HPSE2: variants seen among roughly 807,000 people sequenced by gnomAD.
The protein encoded by HPSE2 is heparanase 2 (inactive).
Under a neutral mutation model 60.5 loss-of-function variants are expected in HPSE2, and 38 were observed. That is an observed-to-expected ratio of 0.63 (90% CI 0.48 to 0.82). HPSE2 has a LOEUF of 0.82. Among genes scored for constraint, HPSE2 ranks in the 40% least tolerant of loss-of-function variants. The pLI, the probability that HPSE2 is intolerant of heterozygous loss-of-function variation, is 0.00. For missense variants in HPSE2, 713 were observed against 740.4 expected (o/e 0.96, Z 0.43); for synonymous variants, 295 against 293.2 (o/e 1.01, Z -0.06).
chr10:99,310,844 G>T, the HPSE2 span, among the ~76,000 whole-genome samples: 1 of 152,108 alleles, frequency 6.6e-6, no homozygotes, highest in Non-Finnish European at 1.5e-5. Flanking sequence ...GGCCAGGCTG[G>T]TCTCAAACTC....
At chr10:99,173,733 C>T (rs1279241678) in intron 2 of HPSE2, among the ~76,000 whole-genome samples, 1 of 152,092 alleles carries the variant, frequency 6.6e-6, no homozygotes, top group Non-Finnish European at 1.5e-5. Flanking sequence ...CACCTGAGGT[C>T]AGGAGTTCGA....
intron 4 of HPSE2, among the ~76,000 whole-genome samples, chr10:98,738,726 C>T (rs867332719): frequency 1.3e-5 from 2 of 152,186 alleles, no homozygotes; most frequent in South Asian, 2.1e-4. Flanking sequence ...AAAAAACGCT[C>T]ATCATCAGTG....
chr10:98,996,097 T>C (rs1301022001), intron 3 of HPSE2, among the ~76,000 whole-genome samples: 1 of 152,126 alleles, frequency 6.6e-6, no homozygotes, highest in Non-Finnish European at 1.5e-5. Context: ...AAAAAGAGAT[T>C]GGTAAAAACT....
chr10:98,603,070 CAATA>C (rs1182342411), intron 9 of HPSE2, among the ~76,000 whole-genome samples: 3 of 152,228 alleles, frequency 2.0e-5, no homozygotes, highest in East Asian at 3.9e-4. Context: ...TCCTTCTGAA[CAATA>C]AATAAAAAGC....
At chr10:98,571,803 C>T (rs1221299048) in intron 9 of HPSE2, among the ~76,000 whole-genome samples, 2 of 152,160 alleles carry the variant, frequency 1.3e-5, no homozygotes, top group Non-Finnish European at 2.9e-5. Flanking sequence ...GGTCTTTCAG[C>T]CCAGCCTGAT....
At chr10:99,092,561 T>A (rs1843552848) in intron 3 of HPSE2, among the ~76,000 whole-genome samples, 1 of 152,142 alleles carries the variant, frequency 6.6e-6, no homozygotes, top group Admixed American at 6.5e-5. Context: ...TCCAAAATGC[T>A]ACTACTTCAA....
chr10:98,960,456 G>T (rs1016869042), intron 3 of HPSE2, among the ~76,000 whole-genome samples: 1 of 151,774 alleles, frequency 6.6e-6, no homozygotes, highest in Non-Finnish European at 1.5e-5. Flanking sequence ...TACATTATTC[G>T]AGTTAAAAAG....
At chr10:98,565,791 G>T (rs1944325429) in intron 9 of HPSE2, among the ~76,000 whole-genome samples, 1 of 152,010 alleles carries the variant, frequency 6.6e-6, no homozygotes, top group South Asian at 2.1e-4. Flanking sequence ...CACTTAATAG[G>T]TATACTAGGT....
At chr10:99,217,978 CAATT>C (rs1210579062) in intron 2 of HPSE2, among the ~76,000 whole-genome samples, 3 of 152,132 alleles carry the variant, frequency 2.0e-5, no homozygotes, top group Non-Finnish European at 1.5e-5. Flanking sequence ...TCAAATGGGA[CAATT>C]AATAGTAGCT....
At chr10:99,020,781 A>C (rs1957244761) in intron 3 of HPSE2, among the ~76,000 whole-genome samples, 1 of 152,172 alleles carries the variant, frequency 6.6e-6, no homozygotes, top group Non-Finnish European at 1.5e-5. Context: ...AGTGAAAAAG[A>C]GATGTACCTG....
intron 2 of HPSE2, among the ~76,000 whole-genome samples, chr10:99,216,363 T>C (rs1012195602): frequency 1.3e-5 from 2 of 152,004 alleles, no homozygotes; most frequent in Non-Finnish European, 2.9e-5. Flanking sequence ...CCCTGCTAAT[T>C]TTTGTATTTT....
At chr10:98,660,610 T>G (rs75846230) in intron 6 of HPSE2, among the ~76,000 whole-genome samples, 1 of 152,336 alleles carries the variant, frequency 6.6e-6, no homozygotes, top group Non-Finnish European at 1.5e-5. Context: ...GGGAGGCAAT[T>G]CTTGGCATCA....
At chr10:98,670,500 A>C (rs1469326815) in intron 6 of HPSE2, among the ~76,000 whole-genome samples, 1 of 152,210 alleles carries the variant, frequency 6.6e-6, no homozygotes, top group Non-Finnish European at 1.5e-5. Context: ...CTGAAAATTC[A>C]AGATCTGAAA....
intron 2 of HPSE2, among the ~76,000 whole-genome samples, chr10:99,212,220 TTGG>T (rs1166424532): frequency 6.6e-6 from 1 of 152,036 alleles, no homozygotes; most frequent in African/African-American, 2.4e-5. Context: ...CCTTGCATAC[TTGG>T]TGGGAATGTA....
intron 2 of HPSE2, among the ~76,000 whole-genome samples, chr10:99,184,813 TATATATAGAGAGAGAGAG>T (rs1847927581): frequency 2.9e-4 from 9 of 30,968 alleles, no homozygotes; most frequent in African/African-American, 5.7e-4. Context: ...TATATATATA[TATATATAGAGAGAGAGAG>T]AGAGAGAGAG....
At chr10:99,048,992 A>T (rs1397785800) in intron 3 of HPSE2, among the ~76,000 whole-genome samples, 1 of 152,148 alleles carries the variant, frequency 6.6e-6, no homozygotes, top group Non-Finnish European at 1.5e-5. Flanking sequence ...AAAACCAAGA[A>T]CCATATATTT....
the HPSE2 span, among the ~76,000 whole-genome samples, chr10:99,262,127 T>C: frequency 6.6e-6 from 1 of 152,166 alleles, no homozygotes; most frequent in African/African-American, 2.4e-5. Context: ...ATAACTCTTA[T>C]AGTGGAGGGT....
chr10:99,305,961 A>ATAAG, the HPSE2 span, among the ~76,000 whole-genome samples: 52,072 of 100,562 alleles, frequency 0.52, 15,495 homozygotes, highest in Non-Finnish European at 0.64. Flanking sequence ...ACTCACACAC[A>ATAAG]CGCGCGCGCG....
chr10:98,990,559 C>A (rs1390135138), intron 3 of HPSE2, among the ~76,000 whole-genome samples: 1 of 152,216 alleles, frequency 6.6e-6, no homozygotes, highest in Non-Finnish European at 1.5e-5. Context: ...TGGACTGGTC[C>A]TGGTCTGTGG....
Sources: allele counts gnomAD v4.1 joint callset (sites outside exome capture counted in the v4.1 genomes callset), GRCh38; gene constraint gnomAD v4.1.1; transcripts MANE v1.5; gene names NCBI Gene and HGNC (gene_info 2026-07-23, HGNC 2026-07-21).